The following SNX25 variants were observed in gnomAD, a reference collection of about 807,000 sequenced individuals.
SNX25 encodes the protein sorting nexin-25.
Under a neutral mutation model 113.7 loss-of-function variants are expected in SNX25, and 62 were observed. That is an observed-to-expected ratio of 0.55 (90% CI 0.44 to 0.67). SNX25 has a LOEUF of 0.67. SNX25 is among the 30% of genes least tolerant of loss of function. The pLI is 0.00. For missense variants in SNX25, 1,014 were observed against 1,161.0 expected (o/e 0.87, Z 1.84); for synonymous variants, 421 against 436.2 (o/e 0.97, Z 0.43).
intron 17 of SNX25, 21 bp downstream of exon 17, chr4:185,362,126 C>G (rs1561058524): frequency 1.3e-6 from 2 of 1,590,714 alleles, no homozygotes; most frequent in Non-Finnish European, 8.6e-7. Context: ...GGCTATTAGC[C>G]TGAAAAGCAT....
intron 15 of SNX25, among the ~76,000 whole-genome samples, chr4:185,353,872 C>A (rs141776857): frequency 1.8e-4 from 27 of 151,924 alleles, no homozygotes; most frequent in African/African-American, 6.0e-4. Context: ...GGTGAAACCC[C>A]GTTTCTACTA....
chr4:185,328,690 T>G (rs2095173091), intron 9 of SNX25, among the ~76,000 whole-genome samples: 1 of 152,142 alleles, frequency 6.6e-6, no homozygotes, highest in South Asian at 2.1e-4. Context: ...AGAGGGATTT[T>G]CAGAAAAAGA....
rs1447357772 is a variant in SNX25 at position 185,310,755 on chromosome 4, C to T, written c.1283C>T (p.Pro428Leu). The change falls in exon 7 of 19, where the codon CCT (proline) becomes CTT (leucine). Residue 428 changes from proline (P) to leucine (L), a missense_variant. By Grantham distance (98) the Pro-to-Leu change is moderately conservative. Transcript: ENST00000652585. ...AAGAGAATCCGAATCCTGGGAGGCC[C>T]TGCCTATGACCAGCAAGAGGATGGG... ...CEKRIRILGG[P>L]AYDQQEDGAL... is the part of the protein sequence containing the mutation. 13 of 1,613,748 alleles carry T rather than the reference C, an allele frequency of 8.1e-6. No individual in the cohort carries two copies. In the Admixed American group the frequency reaches 1.8e-4, roughly 23 times the overall value.
intron 1 of SNX25, 136 bp from the exon 2 acceptor site, chr4:185,247,158 T>C (rs1744974030): frequency 5.0e-6 from 3 of 604,232 alleles, no homozygotes; most frequent in South Asian, 4.5e-5. Flanking sequence ...TTATTTACTT[T>C]TGTGGAAAAA....
intron 11 of SNX25, among the ~76,000 whole-genome samples, chr4:185,340,085 T>C (rs928119739): frequency 6.6e-6 from 1 of 152,206 alleles, no homozygotes; most frequent in Non-Finnish European, 1.5e-5. Flanking sequence ...GACAACTTCC[T>C]TCTCCCCTGC....
intron 5 of SNX25, among the ~76,000 whole-genome samples, chr4:185,279,377 T>C (rs1750239668): frequency 6.6e-6 from 1 of 152,100 alleles, no homozygotes; most frequent in African/African-American, 2.4e-5. Flanking sequence ...ACATGTGCTA[T>C]GAATAGAAAA....
downstream of SNX25, chr4:185,370,684 C>T (rs757757601): frequency 1.2e-6 from 2 of 1,613,802 alleles, no homozygotes; most frequent in Non-Finnish European, 1.7e-6. Flanking sequence ...CTGGTGATGC[C>T]CAAGCCAAGC....
chr4:185,258,123 C>T (rs1746721311), intron 2 of SNX25, among the ~76,000 whole-genome samples: 1 of 152,162 alleles, frequency 6.6e-6, no homozygotes, highest in Non-Finnish European at 1.5e-5. Context: ...TCCTTCTTTA[C>T]CCTTGGGTTG....
intron 1 of SNX25, among the ~76,000 whole-genome samples, chr4:185,241,371 G>A (rs368847464): frequency 6.6e-6 from 1 of 151,068 alleles, no homozygotes; most frequent in Admixed American, 6.6e-5. Context: ...GCAGGCACTC[G>A]GCAGGCTGAG....
At chr4:185,251,231 G>T (rs1013241566) in intron 2 of SNX25, among the ~76,000 whole-genome samples, 1 of 152,148 alleles carries the variant, frequency 6.6e-6, no homozygotes, top group East Asian at 1.9e-4. Flanking sequence ...CTGACCTCAA[G>T]TGATCCGCTT....
At position 185,320,740 on chromosome 4, in the gene SNX25, A is replaced by G; in HGVS notation, c.1352A>G (p.Gln451Arg). Residue 451 changes from glutamine to arginine, a missense_variant, in exon 8 of 19, where the codon CAG becomes CGG. Transcript: ENST00000652585. ...GEGPQSQKIL[Q>R]FEDILANTFY... ...CTTAAATTCTCTTAATAGATTCTTC[A>G]GTTTGAAGATATCTTGGCCAATACG... The G allele has an allele frequency of 2.0e-6, 3 of 1,525,490 alleles. No individual in the cohort carries two copies. The highest frequency in any genetic ancestry group is 2.6e-6 in the Non-Finnish European group (3 of 1,138,874). The allele number at this position is 1,525,490 out of a possible 1,614,324, so 94.5% of individuals were successfully genotyped here. A position where few individuals can be genotyped will look rare whatever the true frequency, so the allele number is the denominator to read the frequency against.
rs1037421603 is a variant in SNX25 at position 185,341,991 on chromosome 4, G to A, written c.2062G>A (p.Gly688Ser). The A allele has an allele frequency of 2.5e-6, 4 of 1,601,822 alleles. No homozygotes were observed. Among genetic ancestry groups the A allele is most frequent in the South Asian group, 1.1e-5 (1 of 88,278 alleles). The change falls in exon 12 of 19, where the codon GGT becomes AGT. Residue 688 changes from glycine (G) to serine (S), a missense_variant. Transcript: ENST00000652585. ...ITSGEVTEEN[G>S]EQLPCYFVMV... ...TTTCCCCAAGGTTACAGAAGAGAAT[G>A]GTGAGCAATTGCCATGTTACTTTGT...
chr4:185,322,741 A>G (rs762667652), intron 8 of SNX25, among the ~76,000 whole-genome samples: 22 of 152,206 alleles, frequency 1.4e-4, no homozygotes, highest in Non-Finnish European at 2.6e-4. Context: ...TTCCTAAACT[A>G]TGGAAGAGAA....
At chr4:185,239,351 TG>T (rs1258171801) in intron 1 of SNX25, among the ~76,000 whole-genome samples, 1 of 151,742 alleles carries the variant, frequency 6.6e-6, no homozygotes, top group Non-Finnish European at 1.5e-5. Context: ...GGCGTGGTGG[TG>T]GGCACCTGTA....
intron 6 of SNX25, among the ~76,000 whole-genome samples, chr4:185,304,156 ATAT>A (rs1754115949): frequency 6.6e-6 from 1 of 152,116 alleles, no homozygotes; most frequent in Non-Finnish European, 1.5e-5. Context: ...TTACTTATTT[ATAT>A]TTTAGAGACA....
At chr4:185,314,248 G>A (rs906295384) in intron 7 of SNX25, among the ~76,000 whole-genome samples, 9 of 150,378 alleles carry the variant, frequency 6.0e-5, no homozygotes, top group Non-Finnish European at 1.3e-4. Flanking sequence ...CCAGCACTTG[G>A]CGGGCAAAGA....
At chr4:185,335,154 T>C (rs987867265) in intron 10 of SNX25, among the ~76,000 whole-genome samples, 2 of 152,058 alleles carry the variant, frequency 1.3e-5, no homozygotes, top group African/African-American at 2.4e-5. Context: ...ACCCCGCCTC[T>C]ACTAAAAATA....
chr4:185,212,489 G>GTGTTTC (rs1161021081), intron 1 of SNX25, among the ~76,000 whole-genome samples: 3 of 43,358 alleles, frequency 6.9e-5, no homozygotes, highest in African/African-American at 2.5e-4. Flanking sequence ...GTGTGTGTGT[G>GTGTTTC]TGTTTTTTTT....
intron 1 of SNX25, among the ~76,000 whole-genome samples, chr4:185,211,617 T>C (rs760434469): frequency 1.9e-4 from 29 of 152,176 alleles, no homozygotes; most frequent in Non-Finnish European, 4.0e-4. Flanking sequence ...CCAGGTACTG[T>C]TTTGGAAGCT....
Sources: gnomAD v4.1 joint callset for allele counts (sites outside exome capture counted in the v4.1 genomes callset) on GRCh38, gnomAD v4.1.1 for gene constraint, MANE v1.5 for transcripts, NCBI Gene and HGNC (gene_info 2026-07-23, HGNC 2026-07-21) for gene names.